CPT1C: variants seen among roughly 807,000 people sequenced by gnomAD.
CPT1C encodes the protein palmitoyl thioesterase CPT1C.
CPT1C carries 61 observed loss-of-function variants against 97.3 expected under a neutral mutation model. The observed-to-expected ratio is 0.63, with a 90% CI of 0.51 to 0.78. The LOEUF (loss-of-function observed/expected upper bound fraction) is 0.78, where lower values mean the gene tolerates loss of function less well. Among genes scored for constraint, CPT1C ranks in the 30% least tolerant of loss-of-function variants. CPT1C has a pLI of 0.00. For synonymous variants in CPT1C, 469 were observed against 447.2 expected, an observed-to-expected ratio of 1.05 and a Z score of -0.61; for missense variants, 975 against 1,065.5, an observed-to-expected ratio of 0.92 and a Z score of 1.18.
Position 49,708,715 on chromosome 19 carries a change from G to T in CPT1C, c.1450-8G>T. Reference sequence around the variant, plus strand: ...GAAGGGACTCTAACAGCCTCTGTTTGCCCACAGTTCACTCTGGCTACAGAA... The same window carrying T: ...GAAGGGACTCTAACAGCCTCTGTTTTCCCACAGTTCACTCTGGCTACAGAA... On this transcript the variant is annotated splice_region_variant and splice_polypyrimidine_tract_variant and intron_variant, in intron 13 of 19. Transcript: ENST00000598293. The T allele has an allele frequency of 6.2e-7, 1 of 1,605,660 alleles. No individual in the cohort carries two copies. The highest frequency in any genetic ancestry group is 8.5e-7 in the Non-Finnish European group (1 of 1,172,364).
At chr19:49,703,595 C>CCTT (rs1568525615) in intron 7 of CPT1C, among the ~76,000 whole-genome samples, 24 of 75,830 alleles carry the variant, frequency 3.2e-4, no homozygotes, top group Non-Finnish European at 4.1e-4. Flanking sequence ...CTCCCTCCCT[C>CCTT]CCTTCCTTCC....
At chr19:49,707,312 A>G (rs1042580162) in intron 12 of CPT1C, among the ~76,000 whole-genome samples, 3 of 151,940 alleles carry the variant, frequency 2.0e-5, no homozygotes, top group Non-Finnish European at 4.4e-5. Context: ...CAAAAAAACA[A>G]TCTCCAAACT....
intron 10 of CPT1C, among the ~76,000 whole-genome samples, 177 bp downstream of exon 10, chr19:49,705,475 T>C (rs1046048509): frequency 6.6e-6 from 1 of 152,134 alleles, no homozygotes; most frequent in African/African-American, 2.4e-5. Flanking sequence ...TAATTGTACC[T>C]AGGGGCTGGG....
intron 17 of CPT1C, chr19:49,712,163 C>T (rs1052206618): frequency 8.5e-6 from 5 of 585,914 alleles, no homozygotes; most frequent in South Asian, 2.2e-5. Flanking sequence ...GCCAACTTGG[C>T]GAAACCCTGT....
intron 7 of CPT1C, among the ~76,000 whole-genome samples, chr19:49,702,097 A>AT (rs2083181916): frequency 8.6e-6 from 1 of 115,670 alleles, no homozygotes; most frequent in African/African-American, 3.5e-5. Flanking sequence ...ATTTATTTAT[A>AT]AATTATAAAT....
At chr19:49,698,311 G>T (rs932444699) in intron 4 of CPT1C, among the ~76,000 whole-genome samples, 3 of 151,968 alleles carry the variant, frequency 2.0e-5, no homozygotes, top group African/African-American at 7.3e-5. Context: ...GCTGCAGTGA[G>T]CTGAGATCAT....
chr19:49,691,521 G>A (rs892150), intron 1 of CPT1C, 181 bp downstream of exon 1: 2 of 152,126 alleles, frequency 1.3e-5, no homozygotes, highest in Non-Finnish European at 2.9e-5. Context: ...CAGCACGGGC[G>A]GGGGGAGGGG....
intron 5 of CPT1C, among the ~76,000 whole-genome samples, chr19:49,701,112 C>CCCCTCTCTCTCTGGGTCTCTGTCT: frequency 7.9e-6 from 1 of 127,292 alleles, no homozygotes; most frequent in Middle Eastern, 5.0e-3. Flanking sequence ...GGTCTCTGCC[C>CCCCTCTCTCTCTGGGTCTCTGTCT]CCCTCTCTCT....
chr19:49,706,199 G>C lies in CPT1C; in HGVS notation c.1161-32G>C, dbSNP rs1311155212. On this transcript the variant is annotated intron_variant, in intron 11 of 19. Coordinates refer to ENST00000598293, the MANE Select transcript of CPT1C (RefSeq NM_001199753.2). This position sits in a 1 kb window ranked among gnomAD's most constrained non-coding sequence, Gnocchi z 4.8. Reference sequence around the variant, plus strand: ...GGTGGGGCCAGGTGGCGGCTGGGCAGGATGGACTCAGGCACATCCCGGGCC... The same window carrying C: ...GGTGGGGCCAGGTGGCGGCTGGGCACGATGGACTCAGGCACATCCCGGGCC... 1 of 1,543,170 alleles carries C rather than the reference G, an allele frequency of 6.5e-7. No homozygotes were observed. Among genetic ancestry groups the C allele is most frequent in the Admixed American group, 2.0e-5 (1 of 49,320 alleles).
rs2123401367 is a variant in CPT1C, at chr19:49,705,037, C to T, written c.802C>T (p.Gln268Ter). 2 of 1,608,028 alleles carry T rather than the reference C, an allele frequency of 1.2e-6. No homozygotes were observed. Among genetic ancestry groups the T allele is most frequent in the Non-Finnish European group, 1.7e-6 (2 of 1,175,768 alleles). The change falls in exon 9 of 20, where the codon CAG becomes TAG. Residue 268 changes from glutamine (Q) to a stop codon, truncating the protein, a stop_gained. Coordinates refer to ENST00000598293, the MANE Select transcript of CPT1C (RefSeq NM_001199753.2). LOFTEE classifies it high-confidence loss of function. ...DFLYVTPTPLQAARAGNAVHA... is the reference protein window; with the variant it reads ...DFLYVTPTPL The stretch of plus-strand genomic sequence containing the variant: ...CCTGTATGTCACACCCACGCCTCTG[C>T]AGGCAGCTCGCGCTGGGAATGCCGT...
intron 5 of CPT1C, 78 bp from the exon 6 acceptor site, chr19:49,701,239 G>A (rs1035757577): frequency 2.5e-6 from 3 of 1,223,966 alleles, no homozygotes; most frequent in Non-Finnish European, 3.5e-6. Context: ...TTGGGTTTCT[G>A]TCCCACTGTC....
chr19:49,694,396 C>T (rs1568502187), intron 3 of CPT1C, among the ~76,000 whole-genome samples: 1 of 151,860 alleles, frequency 6.6e-6, no homozygotes, highest in Non-Finnish European at 1.5e-5. Context: ...TTTGGGAAGC[C>T]AAGGCAGACA....
In CPT1C at chr19:49,701,457, G is replaced by A. The variant is rs1056579180; in HGVS notation, c.555+39G>A. 4 of 1,589,720 alleles carry A rather than the reference G, an allele frequency of 2.5e-6. No individual in the cohort carries two copies. The African/African-American group carries it at 4.0e-5, about 16-fold the overall frequency. The stretch of plus-strand genomic sequence containing the variant: ...CGCGCAGACGGGCTGGGGCGGCCGG[G>A]GCGGGCCGGGGGCGTGACCTGCCCT... On this transcript the variant is annotated intron_variant, in intron 6 of 19. Coordinates refer to ENST00000598293, the MANE Select transcript of CPT1C (RefSeq NM_001199753.2).
chr19:49,693,173 C>T lies in CPT1C; in HGVS notation c.141+780C>T, dbSNP rs187876330. 1.4e-3 allele frequency among the ~76,000 whole-genome samples: 209 copies of T among 152,316 alleles called. 3 individuals carry two copies. In the Middle Eastern group the frequency reaches 0.027, roughly 20 times the overall value. On this transcript the variant is annotated intron_variant, in intron 3 of 19. Transcript: ENST00000598293. ...GGTTACAGGAATGAGCCACCGCGCC[C>T]GGCCCAAACTCCTGCTCTGTCCCTG...
chr19:49,692,202 G>C, intron 2 of CPT1C, 37 bp from the exon 3 acceptor site: 1 of 1,603,898 alleles, frequency 6.2e-7, no homozygotes, highest in African/African-American at 1.3e-5. Flanking sequence ...GAGGGCGGAG[G>C]GGCTGGGGTC....
chr19:49,705,779 G>T (rs958535677), intron 10 of CPT1C, 130 bp from the exon 11 acceptor site: 11 of 829,830 alleles, frequency 1.3e-5, no homozygotes, highest in Non-Finnish European at 1.9e-5. Flanking sequence ...GTAAATAAAA[G>T]TCCTAGGGTG....
At chr19:49,709,443 G>A (rs1262502559) in intron 14 of CPT1C, among the ~76,000 whole-genome samples, 3 of 148,126 alleles carry the variant, frequency 2.0e-5, no homozygotes, top group African/African-American at 5.0e-5. Context: ...CCCCTTCCCC[G>A]TTCTATTCCC....
intron 17 of CPT1C, 40 bp from the exon 18 acceptor site, chr19:49,712,696 A>G: frequency 6.8e-7 from 1 of 1,466,080 alleles, no homozygotes; most frequent in Non-Finnish European, 9.6e-7. Flanking sequence ...CCGGAACTGC[A>G]GATCTCTGTC....
At chr19:49,701,907 T>A (rs2083099788) in intron 7 of CPT1C, among the ~76,000 whole-genome samples, 2 of 115,446 alleles carry the variant, frequency 1.7e-5, no homozygotes, top group South Asian at 4.7e-4. Flanking sequence ...TAAATATATA[T>A]ATTTATATTT....
Sources: allele counts gnomAD v4.1 joint callset (sites outside exome capture counted in the v4.1 genomes callset), GRCh38; gene constraint gnomAD v4.1.1; non-coding constraint Gnocchi (gnomAD v3.1); transcripts MANE v1.5; gene names NCBI Gene and HGNC (gene_info 2026-07-23, HGNC 2026-07-21).